MACO1: variants seen among roughly 807,000 people sequenced by gnomAD.
MACO1 encodes macoilin.
A neutral mutation model predicts 78.7 loss-of-function variants in MACO1; 14 were observed. That is an observed-to-expected ratio of 0.18 (90% CI 0.12 to 0.28). MACO1 has a LOEUF of 0.28. Among genes scored for constraint, MACO1 ranks in the 10% least tolerant of loss-of-function variants. The pLI, the probability that MACO1 is intolerant of heterozygous loss-of-function variation, is 1.00. For synonymous variants in MACO1, 288 were observed against 291.6 expected (o/e 0.99, Z 0.12); for missense variants, 501 against 799.0 (o/e 0.63, Z 4.50).
At chr1:25,465,093 A>G (rs1001783554) in intron 6 of MACO1, among the ~76,000 whole-genome samples, 5 of 152,022 alleles carry the variant, frequency 3.3e-5, no homozygotes, top group African/African-American at 1.2e-4. Context: ...GATTACAGGC[A>G]TGAGCCATCA....
In MACO1 at chr1:25,492,268, C is replaced by T. The variant is rs113024604; in HGVS notation, c.1792+684C>T. Among the ~76,000 whole-genome samples the T allele has an allele frequency of 7.2e-3, 1,102 of 152,184 alleles. 13 individuals carry two copies. The highest frequency in any genetic ancestry group is 0.012 in the Non-Finnish European group (795 of 68,032). Reference sequence around the variant, plus strand: ...AGATGACTTGAAAATACAGCCCTGGCGATGACAGGTGATGAACAAGCCAGC... The same window carrying T: ...AGATGACTTGAAAATACAGCCCTGGTGATGACAGGTGATGAACAAGCCAGC... On this transcript the variant is annotated intron_variant, in intron 10 of 10. Coordinates refer to ENST00000374343, the MANE Select transcript of MACO1 (RefSeq NM_018202.6).
chr1:25,481,404 G>A (rs957088318), intron 6 of MACO1, among the ~76,000 whole-genome samples: 10 of 152,150 alleles, frequency 6.6e-5, no homozygotes, highest in African/African-American at 1.7e-4. Flanking sequence ...ACTGAGGCCT[G>A]GAAGATTACA....
At chr1:25,478,156 A>C (rs1392062927) in intron 6 of MACO1, among the ~76,000 whole-genome samples, 1 of 152,196 alleles carries the variant, frequency 6.6e-6, no homozygotes, top group Middle Eastern at 3.2e-3. Context: ...GAGGCACAGG[A>C]ATCACTTGAG....
chr1:25,497,340 A>G (rs904487604), intron 10 of MACO1, among the ~76,000 whole-genome samples: 1 of 151,002 alleles, frequency 6.6e-6, no homozygotes, highest in African/African-American at 2.4e-5. Flanking sequence ...AGATCTCGCC[A>G]CTGCACTTCA....
intron 1 of MACO1, among the ~76,000 whole-genome samples, chr1:25,442,805 G>A (rs1327528974): frequency 4.6e-5 from 7 of 152,228 alleles, no homozygotes; most frequent in South Asian, 2.1e-4. Context: ...ATTGGCACTC[G>A]GAAGCTTACA....
At chr1:25,469,693 G>A (rs1290109842) in intron 6 of MACO1, among the ~76,000 whole-genome samples, 2 of 145,226 alleles carry the variant, frequency 1.4e-5, no homozygotes, top group East Asian at 4.1e-4. Context: ...CCGTAGTGCA[G>A]TGGTCCGATC....
At chr1:25,470,081 A>G (rs1304182351) in intron 6 of MACO1, among the ~76,000 whole-genome samples, 2 of 152,234 alleles carry the variant, frequency 1.3e-5, no homozygotes, top group African/African-American at 2.4e-5. Flanking sequence ...AGAAAGGACT[A>G]TATTTTTAGA....
intron 1 of MACO1, among the ~76,000 whole-genome samples, chr1:25,440,767 C>CAAAAAA (rs71815906): frequency 9.3e-6 from 1 of 107,124 alleles, no homozygotes. Flanking sequence ...GACTCCATCT[C>CAAAAAA]AAAAAAAAAA....
At chr1:25,447,932 A>G (rs879875089) in intron 2 of MACO1, among the ~76,000 whole-genome samples, 51 of 152,328 alleles carry the variant, frequency 3.3e-4, no homozygotes, top group Admixed American at 3.3e-3. Context: ...GAGCAAATCT[A>G]TGCTTTAAAA....
intron 1 of MACO1, among the ~76,000 whole-genome samples, chr1:25,431,912 CT>C (rs1450530741): frequency 1.9e-5 from 2 of 105,812 alleles, no homozygotes; most frequent in Non-Finnish European, 4.1e-5. Flanking sequence ...TTTCTCCAAA[CT>C]CTTTTTTTTT....
rs758240829 is a variant in MACO1, at chr1:25,484,161, C to T, written c.1200C>T (p.Ser400=). 1.2e-6 allele frequency: 2 copies of T among 1,613,752 alleles called. No homozygotes were observed. Among genetic ancestry groups the T allele is most frequent in the Non-Finnish European group, 1.7e-6 (2 of 1,179,970 alleles). Residue 400 remains serine (S), a synonymous_variant, in exon 7 of 11, where the codon AGC becomes AGT. Transcript: ENST00000374343. ...AGTTAAAGGCTGACCTGCAAGCCAGCAGACAAGTGGAACAAGAGCTCCGCA... is the reference window on the plus strand; with the variant it reads ...AGTTAAAGGCTGACCTGCAAGCCAGTAGACAAGTGGAACAAGAGCTCCGCA... The part of the protein sequence containing the change: ...IKKLKADLQA[S]RQVEQELRSQ...
chr1:25,484,317 T>C (rs754821631), intron 7 of MACO1, 43 bp downstream of exon 7: 1 of 1,530,640 alleles, frequency 6.5e-7, no homozygotes, highest in Non-Finnish European at 8.8e-7. Flanking sequence ...CCCGGCAGCT[T>C]CACTGCTTCT....
intron 1 of MACO1, among the ~76,000 whole-genome samples, chr1:25,434,234 G>T (rs1406711163): frequency 6.6e-6 from 1 of 152,178 alleles, no homozygotes; most frequent in East Asian, 1.9e-4. Context: ...AAAAATAGGA[G>T]AAAGGAAATA....
chr1:25,443,700 A>T (rs1485888393), intron 1 of MACO1, among the ~76,000 whole-genome samples: 1 of 152,240 alleles, frequency 6.6e-6, no homozygotes, highest in Non-Finnish European at 1.5e-5. Context: ...GGATAATCCT[A>T]TCTAAATAGT....
chr1:25,450,717 G>A (rs1337662597), intron 3 of MACO1, among the ~76,000 whole-genome samples: 1 of 152,086 alleles, frequency 6.6e-6, no homozygotes, highest in Non-Finnish European at 1.5e-5. Context: ...CTACTATGAA[G>A]GTTCTTTAGT....
intron 6 of MACO1, among the ~76,000 whole-genome samples, chr1:25,479,995 A>T (rs2043357511): frequency 6.6e-6 from 1 of 152,224 alleles, no homozygotes; most frequent in South Asian, 2.1e-4. Flanking sequence ...TCGTCTGGAT[A>T]AGAGGATTAT....
At position 25,481,896 on chromosome 1, in the gene MACO1, T is replaced by C. The variant is rs75639046; in HGVS notation, c.1155-2220T>C. 7.4e-3 allele frequency among the ~76,000 whole-genome samples: 1,132 copies of C among 152,344 alleles called. 15 individuals carry two copies. Among genetic ancestry groups the C allele is most frequent in the African/African-American group, 0.026 (1,085 of 41,582 alleles). ...GGCACTGGACAGGAGGACTGGCTAC[T>C]TGCACCTGCAGGGTGACTGTCAGTG... On this transcript the variant is annotated intron_variant, in intron 6 of 10. Transcript: ENST00000374343.
chr1:25,470,372 T>G (rs1194857765), intron 6 of MACO1, among the ~76,000 whole-genome samples: 2 of 152,172 alleles, frequency 1.3e-5, no homozygotes, highest in Non-Finnish European at 1.5e-5. Flanking sequence ...GAGAAGAAGA[T>G]TCAGAGCATG....
chr1:25,494,913 A>C (rs2043521360), intron 10 of MACO1, among the ~76,000 whole-genome samples: 1 of 152,172 alleles, frequency 6.6e-6, no homozygotes, highest in Non-Finnish European at 1.5e-5. Context: ...CCTGGGAGTA[A>C]GGGGTTGGAT....
Sources: gnomAD v4.1 joint callset for allele counts (sites outside exome capture counted in the v4.1 genomes callset) on GRCh38, gnomAD v4.1.1 for gene constraint, MANE v1.5 for transcripts, NCBI Gene and HGNC (gene_info 2026-07-23, HGNC 2026-07-21) for gene names.